The following RGS7BP variants were observed in gnomAD, a reference collection of about 807,000 sequenced individuals.
The protein encoded by RGS7BP is regulator of G protein signaling 7 binding protein, also known as regulator of G protein signaling 7-binding protein.
In RGS7BP, 9 loss-of-function variants were observed where a neutral mutation model predicts 31.3. The observed-to-expected ratio is 0.29, with a 90% CI of 0.17 to 0.50. The LOEUF is 0.50. Ranked by LOEUF, RGS7BP falls within the 20% of genes least tolerant of loss-of-function variation. The pLI is 0.98. For missense variants in RGS7BP, 274 were observed against 322.0 expected, an observed-to-expected ratio of 0.85 and a Z score of 1.14; for synonymous variants, 115 against 120.1, an observed-to-expected ratio of 0.96 and a Z score of 0.28.
intron 2 of RGS7BP, among the ~76,000 whole-genome samples, chr5:64,515,835 AT>A (rs1748958749): frequency 6.6e-6 from 1 of 150,800 alleles, no homozygotes; most frequent in Admixed American, 6.6e-5. Flanking sequence ...AATAATAATA[AT>A]TATTATTATT....
chr5:64,511,319 C>G (rs757007317), intron 2 of RGS7BP, among the ~76,000 whole-genome samples: 10 of 152,230 alleles, frequency 6.6e-5, no homozygotes, highest in Non-Finnish European at 1.5e-4. Context: ...CATCAGATAT[C>G]TGCATTCTGG....
chr5:64,548,722 G>T (rs1435590998), intron 2 of RGS7BP, among the ~76,000 whole-genome samples: 1 of 151,968 alleles, frequency 6.6e-6, no homozygotes, highest in Non-Finnish European at 1.5e-5. Context: ...GGCCAGGCTG[G>T]TCTCGAACTT....
At chr5:64,534,610 G>T (rs114575860) in intron 2 of RGS7BP, among the ~76,000 whole-genome samples, 1,666 of 152,238 alleles carry the variant, frequency 0.011, 10 homozygotes, top group Non-Finnish European at 0.016. Flanking sequence ...GTGGTGCTGT[G>T]CCATGAAACA....
intron 3 of RGS7BP, among the ~76,000 whole-genome samples, chr5:64,577,621 A>G (rs1020251880): frequency 6.6e-6 from 1 of 152,068 alleles, no homozygotes; most frequent in Non-Finnish European, 1.5e-5. Flanking sequence ...TACTTCTGTT[A>G]TTAATATAAG....
At chr5:64,524,560 A>G (rs1311385279) in intron 2 of RGS7BP, among the ~76,000 whole-genome samples, 1 of 152,208 alleles carries the variant, frequency 6.6e-6, no homozygotes, top group Admixed American at 6.5e-5. Context: ...CTAATTATAG[A>G]TTCAACATCA....
chr5:64,585,567 G>T (rs1333784121), intron 3 of RGS7BP, among the ~76,000 whole-genome samples: 3 of 152,074 alleles, frequency 2.0e-5, no homozygotes, highest in African/African-American at 7.2e-5. Context: ...CTCCTCTGGT[G>T]CCTGTGCCAA....
Position 64,588,910 on chromosome 5 carries a change from G to A in RGS7BP, c.464-5800G>A, listed in dbSNP as rs571226617. 3.0e-4 allele frequency among the ~76,000 whole-genome samples: 45 copies of A among 152,052 alleles called. 1 individual carries two copies. Among genetic ancestry groups the A allele is most frequent in the Admixed American group, 9.2e-4 (14 of 15,262 alleles). On this transcript the variant is annotated intron_variant, in intron 3 of 5. Transcript: ENST00000334025. The stretch of plus-strand genomic sequence containing the variant: ...GAGAAATTGATAATCAAGAAAAATA[G>A]AAAACAATTCCCCAACCCTAAAAAA...
chr5:64,525,574 T>A (rs1409301625), intron 2 of RGS7BP, among the ~76,000 whole-genome samples: 3 of 152,218 alleles, frequency 2.0e-5, no homozygotes, highest in African/African-American at 7.2e-5. Context: ...TAATCCTTTC[T>A]AACACCTCTA....
At position 64,611,781 on chromosome 5, in the gene RGS7BP, T is replaced by C. The variant is rs765814537; in HGVS notation, c.*2529T>C. 1 of 152,126 alleles carries C rather than the reference T, an allele frequency of 6.6e-6. No homozygotes were observed. Among genetic ancestry groups the C allele is most frequent in the African/African-American group, 2.4e-5 (1 of 41,392 alleles). The allele number at this position is 152,126 out of a possible 1,614,324, so 9.4% of individuals were successfully genotyped here. On this transcript the variant is annotated 3_prime_UTR_variant, in exon 6 of 6. Coordinates refer to ENST00000334025, the MANE Select transcript of RGS7BP (RefSeq NM_001029875.3). ...AACCTACACTGGCCCAAGGTTACAGTAGGTAATTCACCGTCTCACATTAGA... is the reference window on the plus strand; with the variant it reads ...AACCTACACTGGCCCAAGGTTACAGCAGGTAATTCACCGTCTCACATTAGA...
At chr5:64,571,723 C>A (rs10805387) in intron 2 of RGS7BP, among the ~76,000 whole-genome samples, 98,859 of 151,862 alleles carry the variant, frequency 0.65, 32,486 homozygotes, top group Admixed American at 0.68. Context: ...TTCATGTCAT[C>A]CTCCTCCTAC....
At chr5:64,507,683 A>T (rs1191940813) in intron 1 of RGS7BP, 28 bp from the exon 2 acceptor site, 13 of 1,459,898 alleles carry the variant, frequency 8.9e-6, no homozygotes, top group Non-Finnish European at 1.2e-5. Flanking sequence ...ATGTTTGGTA[A>T]AAAAAAAAAA....
At chr5:64,556,154 T>C (rs537866712) in intron 2 of RGS7BP, among the ~76,000 whole-genome samples, 1 of 152,034 alleles carries the variant, frequency 6.6e-6, no homozygotes, top group Non-Finnish European at 1.5e-5. Context: ...TCTTAAACAC[T>C]TGCTATTTTT....
chr5:64,594,991 C>T lies in RGS7BP; in HGVS notation c.611+134C>T, dbSNP rs1462361816. On this transcript the variant is annotated intron_variant, in intron 4 of 5. Coordinates refer to ENST00000334025, the MANE Select transcript of RGS7BP (RefSeq NM_001029875.3). The stretch of plus-strand genomic sequence containing the variant: ...TTTGGTATGCCAGAGGAGCATAGTG[C>T]TGTCAGGGACCCTGGAGACTGCCTA... 19 of 907,712 alleles carry T rather than the reference C, an allele frequency of 2.1e-5. No individual in the cohort carries two copies. In the Admixed American group the frequency reaches 4.1e-4, roughly 20 times the overall value. The allele number at this position is 907,712 out of a possible 1,614,324, so 56.2% of individuals were successfully genotyped here. A position where few individuals can be genotyped will look rare whatever the true frequency, so the allele number is the denominator to read the frequency against.
intron 3 of RGS7BP, among the ~76,000 whole-genome samples, chr5:64,583,652 T>C (rs1179375693): frequency 6.6e-6 from 1 of 152,192 alleles, no homozygotes; most frequent in Non-Finnish European, 1.5e-5. Context: ...CTGGTCAAAG[T>C]TCTCTAAGGA....
intron 2 of RGS7BP, among the ~76,000 whole-genome samples, chr5:64,511,700 G>A (rs991215765): frequency 3.9e-5 from 6 of 152,212 alleles, no homozygotes; most frequent in African/African-American, 1.4e-4. Flanking sequence ...CTAAGATTCA[G>A]AGGATTTAAG....
chr5:64,577,073 A>G (rs980878371), intron 3 of RGS7BP, among the ~76,000 whole-genome samples: 2 of 51,098 alleles, frequency 3.9e-5, no homozygotes, highest in Non-Finnish European at 7.7e-5. Flanking sequence ...GAAGCAATTA[A>G]AGGAAAGATT....
intron 2 of RGS7BP, among the ~76,000 whole-genome samples, chr5:64,572,688 C>T (rs949247766): frequency 1.3e-5 from 2 of 152,026 alleles, no homozygotes; most frequent in Non-Finnish European, 2.9e-5. Context: ...CTGGTGGCAC[C>T]TATTCAGTTC....
Position 64,609,936 on chromosome 5 carries a change from C to T in RGS7BP, c.*684C>T, listed in dbSNP as rs1301097563. The T allele has an allele frequency of 1.3e-5, 2 of 152,374 alleles. No individual in the cohort carries two copies. Among genetic ancestry groups the T allele is most frequent in the Non-Finnish European group, 2.9e-5 (2 of 67,926 alleles). 9.4% of individuals were successfully genotyped at this position (152,374 alleles called of 1,614,324 possible). On this transcript the variant is annotated 3_prime_UTR_variant, in exon 6 of 6. Coordinates refer to ENST00000334025, the MANE Select transcript of RGS7BP (RefSeq NM_001029875.3). ...ATACCTTCGTACAAATGCATATGGG[C>T]AACTAATTTCTTTTTGATCCAATGA...
At chr5:64,536,056 A>C (rs1052778236) in intron 2 of RGS7BP, among the ~76,000 whole-genome samples, 1 of 152,202 alleles carries the variant, frequency 6.6e-6, no homozygotes, top group African/African-American at 2.4e-5. Flanking sequence ...TCACTCTCAA[A>C]GTCAAAATAC....
Sources: gnomAD v4.1 joint callset for allele counts (sites outside exome capture counted in the v4.1 genomes callset) on GRCh38, gnomAD v4.1.1 for gene constraint, MANE v1.5 for transcripts, NCBI Gene and HGNC (gene_info 2026-07-23, HGNC 2026-07-21) for gene names.